TMEM178A: variants seen among roughly 807,000 people sequenced by gnomAD.
TMEM178A encodes the protein transmembrane protein 178A.
TMEM178A carries 12 observed loss-of-function variants against 29.1 expected under a neutral mutation model. The ratio of observed to expected loss-of-function variants is 0.41; its 90% confidence interval spans 0.26 to 0.67. The LOEUF is 0.67. Among genes scored for constraint, TMEM178A ranks in the 30% least tolerant of loss-of-function variants. The pLI is 0.29. For synonymous variants in TMEM178A, 210 were observed against 187.2 expected (o/e 1.12, Z -0.99); for missense variants, 366 against 419.1 (o/e 0.87, Z 1.11).
At chr2:39,676,864 C>G (rs750284936) in intron 1 of TMEM178A, among the ~76,000 whole-genome samples, 6 of 152,166 alleles carry the variant, frequency 3.9e-5, no homozygotes, top group Middle Eastern at 3.2e-3. Flanking sequence ...TCTCCACATA[C>G]TGCCCTAATA....
chr2:39,714,681 C>T (rs748722935), intron 3 of TMEM178A, among the ~76,000 whole-genome samples: 1 of 152,158 alleles, frequency 6.6e-6, no homozygotes, highest in Non-Finnish European at 1.5e-5. Flanking sequence ...CTGGTTAAAT[C>T]CCCAGATTAG....
At chr2:39,685,256 C>T (rs1324850370) in intron 1 of TMEM178A, among the ~76,000 whole-genome samples, 1 of 152,136 alleles carries the variant, frequency 6.6e-6, no homozygotes, top group Non-Finnish European at 1.5e-5. Flanking sequence ...GCAGGTCTTC[C>T]TGTTCAGGAG....
intron 1 of TMEM178A, among the ~76,000 whole-genome samples, chr2:39,670,183 G>T (rs190574212): frequency 9.7e-4 from 148 of 152,302 alleles, no homozygotes; most frequent in South Asian, 2.3e-3. Flanking sequence ...CTGGGAATGT[G>T]GGGGGCGGGG....
chr2:39,669,874 C>T (rs1346612774), intron 1 of TMEM178A, among the ~76,000 whole-genome samples: 2 of 152,154 alleles, frequency 1.3e-5, no homozygotes, highest in Admixed American at 1.3e-4. Flanking sequence ...TACTTACTGT[C>T]CAATTCAGTA....
At position 39,709,007 on chromosome 2, in the gene TMEM178A, G is replaced by C. The variant is rs80169305; in HGVS notation, c.652+1821G>C. 9.0e-3 allele frequency among the ~76,000 whole-genome samples: 1,376 copies of C among 152,174 alleles called. 21 individuals are homozygous for C. Among genetic ancestry groups the C allele is most frequent in the South Asian group, 0.041 (195 of 4,806 alleles). ...CGAGATAGATAGCCATTTTAAATAG[G>C]CTTATTTCCACTTGCTTGGAATTCT... On this transcript the variant is annotated intron_variant, in intron 3 of 3. Transcript: ENST00000281961.
chr2:39,696,592 G>T (rs1052291079), intron 1 of TMEM178A, among the ~76,000 whole-genome samples: 3 of 152,108 alleles, frequency 2.0e-5, no homozygotes, highest in African/African-American at 7.2e-5. Flanking sequence ...ACACAACTAG[G>T]ATTCAAACCC....
intron 1 of TMEM178A, among the ~76,000 whole-genome samples, chr2:39,666,678 C>G (rs1427099437): frequency 1.3e-5 from 2 of 152,198 alleles, no homozygotes; most frequent in African/African-American, 2.4e-5. Flanking sequence ...CCGGTTCTCT[C>G]TCTCTCCCCG....
intron 1 of TMEM178A, among the ~76,000 whole-genome samples, chr2:39,681,828 C>G (rs532661720): frequency 9.9e-5 from 15 of 152,148 alleles, no homozygotes; most frequent in Non-Finnish European, 1.3e-4. Flanking sequence ...GAGAAAGGAG[C>G]CTTGTTTCCT....
the TMEM178A span, among the ~76,000 whole-genome samples, chr2:39,723,877 G>A: frequency 1.3e-5 from 2 of 152,114 alleles, no homozygotes; most frequent in African/African-American, 4.8e-5. Flanking sequence ...TGAGCCTACT[G>A]TCAACATGTT....
intron 2 of TMEM178A, among the ~76,000 whole-genome samples, chr2:39,706,350 A>G (rs1039338851): frequency 1.1e-4 from 16 of 152,210 alleles, no homozygotes; most frequent in African/African-American, 3.6e-4. Flanking sequence ...TCTATGCTTT[A>G]GGGGAGAAGG....
chr2:39,726,632 T>G, the TMEM178A span, among the ~76,000 whole-genome samples: 2 of 152,192 alleles, frequency 1.3e-5, no homozygotes, highest in African/African-American at 4.8e-5. Context: ...TCCATGTTAA[T>G]ACCCAGAGGC....
chr2:39,683,266 G>A (rs889508823), intron 1 of TMEM178A, among the ~76,000 whole-genome samples: 1 of 152,024 alleles, frequency 6.6e-6, no homozygotes, highest in Non-Finnish European at 1.5e-5. Context: ...TCCATCGTCC[G>A]TCCCCATAGT....
chr2:39,668,893 G>C (rs1670289243), intron 1 of TMEM178A, among the ~76,000 whole-genome samples: 1 of 152,180 alleles, frequency 6.6e-6, no homozygotes, highest in Admixed American at 6.5e-5. Context: ...CTGGCTCAAA[G>C]ATGATTTTGG....
At chr2:39,691,233 T>C (rs1208077807) in intron 1 of TMEM178A, among the ~76,000 whole-genome samples, 1 of 152,174 alleles carries the variant, frequency 6.6e-6, no homozygotes. Flanking sequence ...GAACCCTTAA[T>C]AGGCTGAACA....
intron 1 of TMEM178A, among the ~76,000 whole-genome samples, chr2:39,680,969 A>G (rs1208668307): frequency 6.6e-6 from 1 of 152,124 alleles, no homozygotes; most frequent in Non-Finnish European, 1.5e-5. Flanking sequence ...TGTATTATGA[A>G]TCTGGATTAT....
At chr2:39,686,268 TGGGATGCCCTA>T (rs1671072682) in intron 1 of TMEM178A, among the ~76,000 whole-genome samples, 1 of 152,182 alleles carries the variant, frequency 6.6e-6, no homozygotes, top group Admixed American at 6.5e-5. Context: ...GCGAGGACTG[TGGGATGCCCTA>T]GAATAGTGGT....
At chr2:39,693,069 G>T (rs940027471) in intron 1 of TMEM178A, among the ~76,000 whole-genome samples, 2 of 152,124 alleles carry the variant, frequency 1.3e-5, no homozygotes, top group Non-Finnish European at 2.9e-5. Flanking sequence ...AGCGGAGACC[G>T]TGCCACTGCA....
chr2:39,728,010 C>A, the TMEM178A span, among the ~76,000 whole-genome samples: 1 of 152,126 alleles, frequency 6.6e-6, no homozygotes, highest in Non-Finnish European at 1.5e-5. Context: ...GTGAATAATG[C>A]CACAATAAAC....
intron 1 of TMEM178A, among the ~76,000 whole-genome samples, chr2:39,703,144 C>T (rs1264887466): frequency 2.0e-5 from 3 of 152,086 alleles, no homozygotes; most frequent in Non-Finnish European, 4.4e-5. Context: ...AAATGGCTGG[C>T]AGTGTTAAAG....
Sources: allele counts gnomAD v4.1 joint callset (sites outside exome capture counted in the v4.1 genomes callset), GRCh38; gene constraint gnomAD v4.1.1; transcripts MANE v1.5; gene names NCBI Gene and HGNC (gene_info 2026-07-23, HGNC 2026-07-21).